Variants in CCDC171 observed in about 807,000 individuals in gnomAD.
CCDC171 encodes the protein coiled-coil domain containing 171.
In CCDC171, 177 loss-of-function variants were observed where a neutral mutation model predicts 168.2. That is an observed-to-expected ratio of 1.05 (90% CI 0.93 to 1.19). The LOEUF (loss-of-function observed/expected upper bound fraction) is 1.19. Among genes scored for constraint, CCDC171 ranks in the 50% most tolerant of loss-of-function variants. CCDC171 has a pLI of 0.00. For synonymous variants in CCDC171, 687 were observed against 540.8 expected (o/e 1.27, Z -3.75); for missense variants, 1,991 against 1,539.0 (o/e 1.29, Z -4.91).
chr9:15,982,288 G>A (rs1233631250), intron 3 of CCDC171, among the ~76,000 whole-genome samples: 2 of 152,148 alleles, frequency 1.3e-5, no homozygotes, highest in African/African-American at 4.8e-5. Context: ...AGTGATGTGA[G>A]AATTTAGAAC....
intron 9 of CCDC171, among the ~76,000 whole-genome samples, chr9:15,667,782 T>G (rs2048836537): frequency 6.6e-6 from 1 of 152,196 alleles, no homozygotes; most frequent in African/African-American, 2.4e-5. Flanking sequence ...CATTAAAAAC[T>G]CTTAAACTGT....
Position 15,663,193 on chromosome 9 carries a change from G to A in CCDC171, c.916-2970G>A, listed in dbSNP as rs540854843. Among the ~76,000 whole-genome samples the A allele has an allele frequency of 1.3e-3, 200 of 152,104 alleles. 1 individual carries two copies. Among genetic ancestry groups the A allele is most frequent in the African/African-American group, 4.7e-3 (195 of 41,480 alleles). ...TCTGGGATTCAGCCTGAGTTTTGTT[G>A]GTTTGTTTGTTTTATTCTAATATCT... On this transcript the variant is annotated intron_variant, in intron 8 of 25. Transcript: ENST00000380701.
chr9:15,961,104 G>C (rs1027346899), intron 25 of CCDC171, among the ~76,000 whole-genome samples: 1 of 152,066 alleles, frequency 6.6e-6, no homozygotes, highest in Admixed American at 6.6e-5. Flanking sequence ...TTGTTAGAAA[G>C]GTTTAGGAAA....
At chr9:15,976,709 A>C (rs1356808754), downstream of CCDC171, among the ~76,000 whole-genome samples, 36 of 151,702 alleles carry the variant, frequency 2.4e-4, no homozygotes, top group Non-Finnish European at 7.4e-5. Context: ...AAAATGCCAG[A>C]GCATTTCCTG....
chr9:15,945,842 C>G (rs984280446), intron 25 of CCDC171, among the ~76,000 whole-genome samples: 4 of 151,522 alleles, frequency 2.6e-5, no homozygotes, highest in African/African-American at 9.7e-5. Context: ...CCTGTTCACT[C>G]TGATGGTAGT....
At chr9:15,776,967 T>A (rs2057360089) in intron 18 of CCDC171, among the ~76,000 whole-genome samples, 1 of 152,234 alleles carries the variant, frequency 6.6e-6, no homozygotes, top group African/African-American at 2.4e-5. Context: ...CTAAATTACA[T>A]GGCTTTATTA....
chr9:15,602,632 C>CTTTTTTTTTTTTTCTTTT (rs2042936144), intron 6 of CCDC171, among the ~76,000 whole-genome samples: 1 of 31,002 alleles, frequency 3.2e-5, no homozygotes, highest in African/African-American at 9.7e-5. Context: ...TTTCTCATTT[C>CTTTTTTTTTTTTTCTTTT]TTTTTTTTTT....
intron 23 of CCDC171, among the ~76,000 whole-genome samples, chr9:15,863,758 T>C (rs900419451): frequency 6.6e-5 from 10 of 152,100 alleles, no homozygotes; most frequent in Admixed American, 2.6e-4. Flanking sequence ...TCTGTTTTTA[T>C]TGGAAATGAG....
chr9:15,877,429 CT>C (rs201830432), intron 24 of CCDC171, among the ~76,000 whole-genome samples: 19 of 151,446 alleles, frequency 1.3e-4, no homozygotes, highest in South Asian at 2.1e-4. Flanking sequence ...TATTTAAGAT[CT>C]TTTTTTTTCT....
intron 21 of CCDC171, among the ~76,000 whole-genome samples, chr9:15,799,135 C>CACATATATATAT (rs1554820188): frequency 9.2e-6 from 1 of 109,022 alleles, no homozygotes; most frequent in Non-Finnish European, 1.8e-5. Flanking sequence ...TCATCATTGC[C>CACATATATATAT]ATATATATAT....
chr9:15,981,554 T>A (rs925009021), intron 3 of CCDC171, among the ~76,000 whole-genome samples: 10 of 152,308 alleles, frequency 6.6e-5, no homozygotes, highest in African/African-American at 2.4e-4. Flanking sequence ...ATGATGAGGA[T>A]GACAAATAAA....
intron 18 of CCDC171, among the ~76,000 whole-genome samples, chr9:15,750,811 C>T (rs1436001412): frequency 6.6e-6 from 1 of 152,184 alleles, no homozygotes; most frequent in Non-Finnish European, 1.5e-5. Context: ...GACAAACCCA[C>T]AGCCAATATC....
intron 18 of CCDC171, among the ~76,000 whole-genome samples, chr9:15,771,786 T>C (rs2057025694): frequency 6.6e-6 from 1 of 152,166 alleles, no homozygotes; most frequent in Admixed American, 6.6e-5. Context: ...TTCCTGTAAA[T>C]AGTGAATAAA....
At chr9:15,978,843 A>T (rs1234106905), downstream of CCDC171, among the ~76,000 whole-genome samples, 4 of 152,176 alleles carry the variant, frequency 2.6e-5, no homozygotes, top group African/African-American at 7.2e-5. Flanking sequence ...TAATTCCAGA[A>T]CATTTGTATT....
chr9:15,913,432 T>C (rs1354398781), intron 24 of CCDC171, among the ~76,000 whole-genome samples: 1 of 152,164 alleles, frequency 6.6e-6, no homozygotes, highest in Non-Finnish European at 1.5e-5. Context: ...CTTCTTTATT[T>C]GTTTGGCTGG....
At chr9:15,555,706 T>C (rs2038732766) in intron 1 of CCDC171, among the ~76,000 whole-genome samples, 1 of 152,184 alleles carries the variant, frequency 6.6e-6, no homozygotes, top group Admixed American at 6.5e-5. Flanking sequence ...TATTATACTT[T>C]AAGTTATAGA....
At chr9:15,590,818 TTTCTTTCTTTCTTTC>T (rs1412990700) in intron 4 of CCDC171, among the ~76,000 whole-genome samples, 5 of 149,810 alleles carry the variant, frequency 3.3e-5, no homozygotes, top group African/African-American at 1.2e-4. Context: ...TCTTTCTTTC[TTTCTTTCTTTCTTTC>T]TTCTTCTTTC....
chr9:15,793,566 T>TG (rs1478643455), intron 21 of CCDC171, among the ~76,000 whole-genome samples: 2 of 131,088 alleles, frequency 1.5e-5, no homozygotes, highest in Admixed American at 7.5e-5. Flanking sequence ...TTTTTTTTTT[T>TG]TTTTTTTTTT....
At chr9:15,594,736 G>C (rs1208352751) in intron 6 of CCDC171, among the ~76,000 whole-genome samples, 1 of 152,070 alleles carries the variant, frequency 6.6e-6, no homozygotes, top group Non-Finnish European at 1.5e-5. Flanking sequence ...CTGGGAAAAG[G>C]CTGCAGGTCT....
Sources: allele counts gnomAD v4.1 joint callset (sites outside exome capture counted in the v4.1 genomes callset), GRCh38; gene constraint gnomAD v4.1.1; transcripts MANE v1.5; gene names NCBI Gene and HGNC (gene_info 2026-07-23, HGNC 2026-07-21).